The following SLC28A1 variants were observed in gnomAD, a reference collection of about 807,000 sequenced individuals.
The protein encoded by SLC28A1 is sodium/nucleoside cotransporter 1.
A neutral mutation model predicts 74.8 loss-of-function variants in SLC28A1; 64 were observed. The ratio of observed to expected loss-of-function variants is 0.86; its 90% CI spans 0.70 to 1.05. The LOEUF is 1.05. Among genes scored for constraint, SLC28A1 ranks in the 50% least tolerant of loss-of-function variants. The pLI is 0.00. For missense variants in SLC28A1, 828 were observed against 822.8 expected (o/e 1.01, Z -0.08); for synonymous variants, 359 against 335.0 (o/e 1.07, Z -0.78).
At chr15:84,916,240 C>CAGGTGTGAGCCACCATGCCTGGCATTT in intron 9 of SLC28A1, among the ~76,000 whole-genome samples, 1 of 98,408 alleles carries the variant, frequency 1.0e-5, no homozygotes, top group Admixed American at 9.8e-5. Flanking sequence ...GCTGGGATTA[C>CAGGTGTGAGCCACCATGCCTGGCATTT]TTTTTTTTTT....
the SLC28A1 span, among the ~76,000 whole-genome samples, chr15:84,967,579 G>T: frequency 6.6e-6 from 1 of 152,288 alleles, no homozygotes; most frequent in Middle Eastern, 3.4e-3. Context: ...AAAGAAACAG[G>T]AAGTTAAATC....
the SLC28A1 span, among the ~76,000 whole-genome samples, chr15:84,960,514 G>A: frequency 1.5e-4 from 23 of 151,870 alleles, no homozygotes; most frequent in Admixed American, 7.9e-4. Flanking sequence ...TGACTCGGCC[G>A]GCCAAAGTGC....
chr15:84,905,127 C>T (rs1037166256), intron 7 of SLC28A1, among the ~76,000 whole-genome samples: 1 of 152,268 alleles, frequency 6.6e-6, no homozygotes, highest in African/African-American at 2.4e-5. Context: ...GGAGTCCAGC[C>T]TATTGGAGGA....
chr15:84,904,041 TGGGTG>T, intron 6 of SLC28A1, 51 bp from the exon 7 acceptor site: 1 of 1,611,918 alleles, frequency 6.2e-7, no homozygotes, highest in South Asian at 1.1e-5. Flanking sequence ...CTATTGTGTG[TGGGTG>T]GGGTGGGGGT....
rs1967266047 is a variant in SLC28A1, at chr15:84,906,583, TTC to T, written c.717+932_717+933del. Among the ~76,000 whole-genome samples, 4 of 73,440 alleles carry T rather than the reference TTC, an allele frequency of 5.4e-5. No individual in the cohort carries two copies. In the Admixed American group the frequency reaches 5.7e-4, roughly 10 times the overall value. 48.2% of individuals were successfully genotyped at this position (73,440 alleles called of 152,430 possible). A position where few individuals can be genotyped will look rare whatever the true frequency, so the allele number is the denominator to read the frequency against. On this transcript the variant is annotated intron_variant, in intron 8 of 18. Coordinates refer to ENST00000394573, the MANE Select transcript of SLC28A1 (RefSeq NM_004213.5). ...TTCTTTCTCTTTCTTTCTTCCTTCC[TTC>T]CTTCCTTCCTTCCTTCCTTCCTTCC...
the SLC28A1 span, among the ~76,000 whole-genome samples, chr15:84,967,770 G>C: frequency 6.6e-6 from 1 of 152,138 alleles, no homozygotes; most frequent in Non-Finnish European, 1.5e-5. Context: ...TTGTTTCTAA[G>C]AAAGTGTCAC....
At position 84,926,802 on chromosome 15, in the gene SLC28A1, A is replaced by AGG. The variant is rs544419272; in HGVS notation, c.1083+2700_1083+2701dup. Among the ~76,000 whole-genome samples, 2,250 of 108,098 alleles carry AGG rather than the reference A, an allele frequency of 0.021. 131 individuals carry two copies. In the East Asian group the frequency reaches 0.25, roughly 12 times the overall value. The allele number at this position is 108,098 out of a possible 152,430, so 70.9% of individuals were successfully genotyped here. ...TGGATGCTGTGTGGGGGGTGGGGGG[A>AGG]GGGGGGGGGTGGTGGTAGGCGGTGA... On this transcript the variant is annotated intron_variant, in intron 12 of 18. Coordinates refer to ENST00000394573, the MANE Select transcript of SLC28A1 (RefSeq NM_004213.5).
At chr15:84,917,136 G>A (rs2343671) in intron 9 of SLC28A1, among the ~76,000 whole-genome samples, 145,568 of 152,148 alleles carry the variant, frequency 0.96, 69,665 homozygotes, top group Admixed American at 0.98. Flanking sequence ...AAATCCTTTG[G>A]CTATTTGGGA....
chr15:84,948,138 G>A (rs2079296686), downstream of SLC28A1, among the ~76,000 whole-genome samples: 1 of 152,010 alleles, frequency 6.6e-6, no homozygotes, highest in Non-Finnish European at 1.5e-5. Flanking sequence ...CCCCCCTTCT[G>A]CCCCTTTCTT....
chr15:84,888,704 C>A, intron 3 of SLC28A1, 68 bp from the exon 4 acceptor site: 2 of 1,148,642 alleles, frequency 1.7e-6, no homozygotes, highest in Admixed American at 2.0e-5. Context: ...TGGCCCCCGA[C>A]CCCCAGCTGT....
chr15:84,906,577 C>CTTTCTCTTG (rs1567140848), intron 8 of SLC28A1, among the ~76,000 whole-genome samples: 58 of 32,504 alleles, frequency 1.8e-3, no homozygotes, highest in South Asian at 3.9e-3. Flanking sequence ...TTTCTTTCTT[C>CTTTCTCTTG]CTTCCTTCCT....
the SLC28A1 span, among the ~76,000 whole-genome samples, chr15:84,974,261 C>T: frequency 6.6e-6 from 1 of 152,152 alleles, no homozygotes; most frequent in South Asian, 2.1e-4. Flanking sequence ...GATCGTATTT[C>T]GTTTTCTGCT....
chr15:84,963,921 A>C, the SLC28A1 span, among the ~76,000 whole-genome samples: 2 of 151,548 alleles, frequency 1.3e-5, no homozygotes. Flanking sequence ...AAGGAGTTGC[A>C]CTCTCCTTCC....
chr15:84,941,974 C>T (rs1315818523), intron 15 of SLC28A1, among the ~76,000 whole-genome samples: 3 of 152,166 alleles, frequency 2.0e-5, no homozygotes. Context: ...TACTTAACCT[C>T]TCTGAGCCTC....
At chr15:84,910,359 CAAGT>C (rs1035873787) in intron 9 of SLC28A1, among the ~76,000 whole-genome samples, 2 of 152,212 alleles carry the variant, frequency 1.3e-5, no homozygotes, top group African/African-American at 2.4e-5. Context: ...TCAGAAAAGA[CAAGT>C]AAGGTCTGCT....
the SLC28A1 span, among the ~76,000 whole-genome samples, chr15:84,959,243 T>G: frequency 5.7e-4 from 87 of 152,092 alleles, 1 homozygote; most frequent in African/African-American, 2.1e-3. Flanking sequence ...TAGCTGGGAT[T>G]ACAGGCCTTT....
chr15:84,908,616 C>A (rs1195930337), intron 8 of SLC28A1, 102 bp from the exon 9 acceptor site: 6 of 951,522 alleles, frequency 6.3e-6, no homozygotes, highest in Middle Eastern at 2.1e-4. Flanking sequence ...CCTGGGGGGA[C>A]TACGTCCCTG....
At chr15:84,888,494 C>G (rs534945936) in intron 3 of SLC28A1, among the ~76,000 whole-genome samples, 1 of 152,202 alleles carries the variant, frequency 6.6e-6, no homozygotes, top group East Asian at 1.9e-4. Context: ...TTACAGGCCT[C>G]CCCTCGGCCC....
the SLC28A1 span, among the ~76,000 whole-genome samples, chr15:84,956,025 A>G: frequency 6.6e-6 from 1 of 152,300 alleles, no homozygotes; most frequent in African/African-American, 2.4e-5. Context: ...TACCATAGTT[A>G]TATCAGCAAC....
Sources: allele counts gnomAD v4.1 joint callset (sites outside exome capture counted in the v4.1 genomes callset), GRCh38; gene constraint gnomAD v4.1.1; transcripts MANE v1.5; gene names NCBI Gene and HGNC (gene_info 2026-07-23, HGNC 2026-07-21).